Variants in TOX observed in about 807,000 individuals in gnomAD.
TOX encodes thymocyte selection associated high mobility group box, also known as thymocyte selection-associated high mobility group box protein TOX.
TOX carries 11 observed loss-of-function variants against 53.7 expected under a neutral mutation model. The observed-to-expected ratio is 0.20, with a 90% confidence interval of 0.13 to 0.34. The LOEUF is 0.34. Ranked by LOEUF, TOX falls within the 10% of genes least tolerant of loss-of-function variation. The pLI is 1.00. For missense variants in TOX, 570 were observed against 664.6 expected (o/e 0.86, Z 1.56); for synonymous variants, 225 against 245.3 (o/e 0.92, Z 0.77).
At chr8:58,855,565 C>A (rs1810900745) in intron 3 of TOX, among the ~76,000 whole-genome samples, 1 of 152,144 alleles carries the variant, frequency 6.6e-6, no homozygotes, top group Admixed American at 6.5e-5. Context: ...CACACCCATT[C>A]ATCTATCCAG....
At chr8:59,018,844 A>G (rs1262501419) in intron 1 of TOX, among the ~76,000 whole-genome samples, 3 of 152,178 alleles carry the variant, frequency 2.0e-5, no homozygotes, top group African/African-American at 7.2e-5. Flanking sequence ...CAATCCCACT[A>G]TGACTACCCA....
intron 4 of TOX, among the ~76,000 whole-genome samples, chr8:58,840,473 C>A (rs192508161): frequency 2.1e-4 from 32 of 152,232 alleles, no homozygotes; most frequent in African/African-American, 7.7e-4. Flanking sequence ...TATATATGAC[C>A]TAGAATGGTG....
At chr8:58,955,275 C>T (rs1812691176) in intron 2 of TOX, among the ~76,000 whole-genome samples, 1 of 151,762 alleles carries the variant, frequency 6.6e-6, no homozygotes, top group Non-Finnish European at 1.5e-5. Context: ...GATCTCGGGC[C>T]AGGATATTTA....
intron 3 of TOX, among the ~76,000 whole-genome samples, chr8:58,904,923 T>C (rs1000174381): frequency 6.6e-6 from 1 of 152,192 alleles, no homozygotes; most frequent in Non-Finnish European, 1.5e-5. Flanking sequence ...ACGAATTGGC[T>C]GTATAACCAT....
intron 3 of TOX, among the ~76,000 whole-genome samples, chr8:58,934,282 A>G (rs1167143909): frequency 6.6e-6 from 1 of 152,214 alleles, no homozygotes; most frequent in East Asian, 1.9e-4. Flanking sequence ...ATAAAATGGC[A>G]CAGACAAGAA....
chr8:58,926,631 T>C (rs1812165591), intron 3 of TOX, among the ~76,000 whole-genome samples: 1 of 152,230 alleles, frequency 6.6e-6, no homozygotes, highest in Non-Finnish European at 1.5e-5. Flanking sequence ...GCAAGCTGCC[T>C]AGAATTTTTC....
intron 3 of TOX, among the ~76,000 whole-genome samples, chr8:58,869,736 C>T (rs929153126): frequency 6.6e-6 from 1 of 152,012 alleles, no homozygotes; most frequent in South Asian, 2.1e-4. Context: ...TAAAGTTCAA[C>T]ATTAGAAAAT....
intron 3 of TOX, among the ~76,000 whole-genome samples, chr8:58,891,284 G>A (rs1472272056): frequency 6.6e-6 from 1 of 151,936 alleles, no homozygotes; most frequent in African/African-American, 2.4e-5. Flanking sequence ...ATATTAGAAG[G>A]TCAAGTACAC....
At chr8:58,841,343 C>G (rs1346118591) in intron 4 of TOX, among the ~76,000 whole-genome samples, 1 of 152,176 alleles carries the variant, frequency 6.6e-6, no homozygotes, top group African/African-American at 2.4e-5. Flanking sequence ...GTTTTGCCCA[C>G]TAGCACGTAT....
chr8:58,913,346 G>A (rs1279951416), intron 3 of TOX, among the ~76,000 whole-genome samples: 3 of 152,062 alleles, frequency 2.0e-5, no homozygotes. Context: ...AAATAAAATT[G>A]AAAATTTTAT....
intron 1 of TOX, among the ~76,000 whole-genome samples, chr8:59,095,211 T>C (rs1804694686): frequency 6.6e-6 from 1 of 152,192 alleles, no homozygotes; most frequent in South Asian, 2.1e-4. Flanking sequence ...TGCAACTATA[T>C]ACATAAAGGT....
chr8:58,836,745 G>A (rs1810552819), intron 5 of TOX, among the ~76,000 whole-genome samples: 1 of 152,128 alleles, frequency 6.6e-6, no homozygotes, highest in South Asian at 2.1e-4. Flanking sequence ...GGTTTGTTAG[G>A]AAAAGCATTG....
chr8:58,823,374 C>T (rs1022422182), intron 6 of TOX, among the ~76,000 whole-genome samples: 2 of 152,148 alleles, frequency 1.3e-5, no homozygotes, highest in African/African-American at 4.8e-5. Context: ...CAGGCACTCA[C>T]TACTATGCTC....
At chr8:58,894,650 T>C (rs973988410) in intron 3 of TOX, among the ~76,000 whole-genome samples, 1 of 152,156 alleles carries the variant, frequency 6.6e-6, no homozygotes, top group African/African-American at 2.4e-5. Context: ...TCCCAGCACT[T>C]TGGGAGGCCG....
chr8:58,962,507 A>G, intron 1 of TOX, among the ~76,000 whole-genome samples: 1 of 152,178 alleles, frequency 6.6e-6, no homozygotes, highest in East Asian at 1.9e-4. Flanking sequence ...TGGGATGCAA[A>G]CCCAGGACCC....
At chr8:58,971,566 A>T (rs1166653359) in intron 1 of TOX, among the ~76,000 whole-genome samples, 1 of 152,242 alleles carries the variant, frequency 6.6e-6, no homozygotes, top group Non-Finnish European at 1.5e-5. Flanking sequence ...AGTTTATTTG[A>T]CTGTTTCCAT....
At chr8:59,040,861 C>T (rs770008863) in intron 1 of TOX, among the ~76,000 whole-genome samples, 8 of 152,218 alleles carry the variant, frequency 5.3e-5, no homozygotes, top group Non-Finnish European at 1.0e-4. Flanking sequence ...CTGGTCCTTT[C>T]TTCCTGGCTC....
At chr8:59,114,133 G>A (rs1805063642) in intron 1 of TOX, among the ~76,000 whole-genome samples, 1 of 152,032 alleles carries the variant, frequency 6.6e-6, no homozygotes. Flanking sequence ...TAATTCCCTT[G>A]CAATCACATC....
At chr8:59,092,591 C>T (rs1026968518) in intron 1 of TOX, among the ~76,000 whole-genome samples, 2 of 151,656 alleles carry the variant, frequency 1.3e-5, no homozygotes, top group South Asian at 2.1e-4. Flanking sequence ...AGCTCTTTAA[C>T]GTAACTCAAG....
Sources: allele counts gnomAD v4.1 joint callset (sites outside exome capture counted in the v4.1 genomes callset), GRCh38; gene constraint gnomAD v4.1.1; transcripts MANE v1.5; gene names NCBI Gene and HGNC (gene_info 2026-07-23, HGNC 2026-07-21).